The following CNTNAP2 variants were observed in gnomAD, a reference collection of about 807,000 sequenced individuals.
The protein encoded by CNTNAP2 is contactin-associated protein-like 2.
A neutral mutation model predicts 155.2 loss-of-function variants in CNTNAP2; 98 were observed. The observed-to-expected ratio is 0.63, with a 90% CI of 0.54 to 0.75. The LOEUF is 0.75. Among genes scored for constraint, CNTNAP2 ranks in the 30% least tolerant of loss-of-function variants. The probability of loss-of-function intolerance (pLI) is 0.00; values close to 1 mark genes in which losing one functional copy is unlikely to be tolerated. For synonymous variants in CNTNAP2, 651 were observed against 631.2 expected, an observed-to-expected ratio of 1.03 and a Z score of -0.47; for missense variants, 1,727 against 1,688.1, an observed-to-expected ratio of 1.02 and a Z score of -0.40.
At chr7:147,325,597 C>T (rs1234408999) in intron 9 of CNTNAP2, among the ~76,000 whole-genome samples, 4 of 152,048 alleles carry the variant, frequency 2.6e-5, no homozygotes, top group African/African-American at 9.7e-5. Context: ...ATTGATTTGG[C>T]TTTTCTTTTT....
intron 14 of CNTNAP2, among the ~76,000 whole-genome samples, chr7:147,954,782 G>A (rs940218789): frequency 1.1e-4 from 16 of 152,006 alleles, no homozygotes; most frequent in African/African-American, 1.9e-4. Flanking sequence ...CAGTATATCC[G>A]TCCCCTATAT....
intron 3 of CNTNAP2, among the ~76,000 whole-genome samples, chr7:147,014,467 T>C (rs1290152212): frequency 6.6e-6 from 1 of 152,112 alleles, no homozygotes; most frequent in African/African-American, 2.4e-5. Context: ...AATAAATAAA[T>C]AGGCTAACTT....
At chr7:147,295,344 G>A (rs890247094) in intron 8 of CNTNAP2, among the ~76,000 whole-genome samples, 23 of 151,816 alleles carry the variant, frequency 1.5e-4, no homozygotes, top group African/African-American at 5.1e-4. Context: ...GGATGCACAG[G>A]GTCTATATAA....
At position 148,263,816 on chromosome 7, in the gene CNTNAP2, C is replaced by T. The variant is rs539266726; in HGVS notation, c.3382-3217C>T. On this transcript the variant is annotated intron_variant, in intron 20 of 23. Transcript: ENST00000361727. Reference sequence around the variant, plus strand: ...CATTTTTGGTTAAAGCCATCAACCACGCAGACATAGGAAGGGAATACACTT... The same window carrying T: ...CATTTTTGGTTAAAGCCATCAACCATGCAGACATAGGAAGGGAATACACTT... 1.5e-4 allele frequency among the ~76,000 whole-genome samples: 23 copies of T among 151,374 alleles called. 1 individual carries two copies. Among genetic ancestry groups the T allele is most frequent in the Admixed American group, 5.9e-4 (9 of 15,212 alleles).
At chr7:148,291,956 T>C (rs978190115) in intron 21 of CNTNAP2, among the ~76,000 whole-genome samples, 4 of 152,194 alleles carry the variant, frequency 2.6e-5, no homozygotes, top group Admixed American at 2.0e-4. Context: ...TTCATTTCAT[T>C]CTGTTGGTTT....
chr7:146,144,896 A>G (rs1490481318), intron 1 of CNTNAP2, among the ~76,000 whole-genome samples: 1 of 152,170 alleles, frequency 6.6e-6, no homozygotes, highest in African/African-American at 2.4e-5. Flanking sequence ...GAAACAGTGA[A>G]TGGAAGGGCT....
intron 16 of CNTNAP2, among the ~76,000 whole-genome samples, chr7:148,127,865 C>T (rs74548990): frequency 0.068 from 10,344 of 152,056 alleles, 614 homozygotes; most frequent in African/African-American, 0.16. Context: ...GGATTTTTCA[C>T]ACATATATTA....
chr7:146,972,350 A>G (rs1476020397), intron 3 of CNTNAP2, among the ~76,000 whole-genome samples: 2 of 152,184 alleles, frequency 1.3e-5, no homozygotes, highest in African/African-American at 4.8e-5. Context: ...ATCAATACAG[A>G]GGAAAGCTTA....
At chr7:146,810,208 A>G (rs1234572414) in intron 2 of CNTNAP2, among the ~76,000 whole-genome samples, 1 of 149,816 alleles carries the variant, frequency 6.7e-6, no homozygotes. Context: ...TCATTGGTTT[A>G]TGTGTCTATT....
intron 8 of CNTNAP2, among the ~76,000 whole-genome samples, chr7:147,256,491 A>C (rs1173909272): frequency 6.6e-6 from 1 of 152,156 alleles, no homozygotes; most frequent in African/African-American, 2.4e-5. Flanking sequence ...AGTATGCAAG[A>C]GTATACAGGA....
intron 1 of CNTNAP2, among the ~76,000 whole-genome samples, chr7:146,712,279 T>TAAG (rs1801102554): frequency 9.8e-6 from 1 of 102,246 alleles, no homozygotes; most frequent in African/African-American, 3.5e-5. Context: ...TATGTATACA[T>TAAG]ATATGTATAC....
intron 14 of CNTNAP2, among the ~76,000 whole-genome samples, chr7:147,976,632 G>A (rs1164638868): frequency 6.6e-6 from 1 of 152,090 alleles, no homozygotes; most frequent in Non-Finnish European, 1.5e-5. Context: ...ACTCCTTCCT[G>A]GGTTTCTATG....
intron 13 of CNTNAP2, among the ~76,000 whole-genome samples, chr7:147,706,188 T>A (rs1796313327): frequency 6.6e-6 from 1 of 151,818 alleles, no homozygotes; most frequent in East Asian, 1.9e-4. Flanking sequence ...GAGGTTTTTT[T>A]TTTTTTTTTC....
intron 15 of CNTNAP2, among the ~76,000 whole-genome samples, chr7:148,016,908 AGATGCTATG>A (rs1214831355): frequency 1.3e-5 from 2 of 152,226 alleles, no homozygotes; most frequent in East Asian, 3.8e-4. Context: ...CTTGACTAAT[AGATGCTATG>A]GATAGAGCAT....
At chr7:147,782,151 C>T (rs900865592) in intron 13 of CNTNAP2, among the ~76,000 whole-genome samples, 3 of 152,020 alleles carry the variant, frequency 2.0e-5, no homozygotes, top group Non-Finnish European at 2.9e-5. Context: ...AGACATCTAT[C>T]TCACCATTTG....
chr7:146,222,714 G>A (rs1355341618), intron 1 of CNTNAP2, among the ~76,000 whole-genome samples: 1 of 149,894 alleles, frequency 6.7e-6, no homozygotes, highest in Non-Finnish European at 1.5e-5. Flanking sequence ...GGAGTGCAGT[G>A]GTGTGATCTC....
intron 2 of CNTNAP2, among the ~76,000 whole-genome samples, chr7:146,835,800 C>G (rs1206745217): frequency 6.6e-6 from 1 of 152,022 alleles, no homozygotes; most frequent in Non-Finnish European, 1.5e-5. Context: ...AGGAATGAAA[C>G]AGAAATTAGT....
chr7:146,597,596 A>G (rs1294422828), intron 1 of CNTNAP2, among the ~76,000 whole-genome samples: 1 of 152,016 alleles, frequency 6.6e-6, no homozygotes, highest in Non-Finnish European at 1.5e-5. Flanking sequence ...GTCTTCCCAG[A>G]ACCTTAGTTA....
At position 146,647,832 on chromosome 7, in the gene CNTNAP2, A is replaced by G. The variant is rs146318052; in HGVS notation, c.98-126439A>G. On this transcript the variant is annotated intron_variant, in intron 1 of 23. Coordinates refer to ENST00000361727, the MANE Select transcript of CNTNAP2 (RefSeq NM_014141.6). ...ATTTTTAAAAGAAATCTTTTACTCT[A>G]CTAATCTATAGTCATCCTAAGAAGG... 1.6e-3 allele frequency among the ~76,000 whole-genome samples: 250 copies of G among 152,290 alleles called. 2 individuals carry two copies. The highest frequency in any genetic ancestry group is 5.8e-3 in the African/African-American group (242 of 41,556).
Sources: gnomAD v4.1 joint callset for allele counts (sites outside exome capture counted in the v4.1 genomes callset) on GRCh38, gnomAD v4.1.1 for gene constraint, MANE v1.5 for transcripts, NCBI Gene and HGNC (gene_info 2026-07-23, HGNC 2026-07-21) for gene names.